XAGE3: variants seen among roughly 807,000 people sequenced by gnomAD.
XAGE3 encodes X antigen family member 3.
A neutral mutation model predicts 9.2 loss-of-function variants in XAGE3; 6 were observed. The ratio of observed to expected loss-of-function variants is 0.65; its 90% CI spans 0.36 to 1.29. XAGE3 has a LOEUF of 1.29. XAGE3 is among the 50% of genes most tolerant of loss of function. The pLI, the probability that XAGE3 is intolerant of heterozygous loss-of-function variation, is 0.03. For missense variants in XAGE3, 70 were observed against 82.8 expected (o/e 0.85, Z 0.60); for synonymous variants, 26 against 28.2 (o/e 0.92, Z 0.25).
chrX:52,866,548 G>C lies in XAGE3; in HGVS notation c.82-10C>G. The C allele has an allele frequency of 1.7e-6, 2 of 1,200,669 alleles. No individual in the cohort carries two copies. The highest frequency in any genetic ancestry group is 2.3e-6 in the Non-Finnish European group (2 of 888,296). On this transcript the variant is annotated splice_polypyrimidine_tract_variant and intron_variant, in intron 2 of 4. Coordinates refer to ENST00000346279, the MANE Select transcript of XAGE3 (RefSeq NM_133179.3). ...CCTCATCACCGGGCTCCTGGAACCA[G>C]GGGTGTGTGTGTGTGTGTGTGTGTG...
At chrX:52,863,482 T>G (rs1556784036) in intron 4 of XAGE3, among the ~76,000 whole-genome samples, 1 of 111,753 alleles carries the variant, frequency 8.9e-6, no homozygotes, top group Non-Finnish European at 1.9e-5. Context: ...TTTCTAAAAG[T>G]TAAGTGTTTT....
chrX:52,862,582 T>A lies in XAGE3; in HGVS notation c.*36A>T, dbSNP rs1927763454. On this transcript the variant is annotated 3_prime_UTR_variant, in exon 5 of 5. Coordinates refer to ENST00000346279, the MANE Select transcript of XAGE3 (RefSeq NM_133179.3). ...ATATTTTTAAGTCAAATATCTTAGATAAAAACAGTTTTGTGTTGTTTCAGC... is the reference window on the plus strand; with the variant it reads ...ATATTTTTAAGTCAAATATCTTAGAAAAAAACAGTTTTGTGTTGTTTCAGC... The A allele has an allele frequency of 8.3e-7, 1 of 1,205,202 alleles. No individual in the cohort carries two copies. Among genetic ancestry groups the A allele is most frequent in the Admixed American group, 2.2e-5 (1 of 44,715 alleles).
In XAGE3 at chrX:52,862,579, A is replaced by G; in HGVS notation, c.*39T>C. ...TCGATATTTTTAAGTCAAATATCTT[A>G]GATAAAAACAGTTTTGTGTTGTTTC... On this transcript the variant is annotated 3_prime_UTR_variant, in exon 5 of 5. Transcript: ENST00000346279. The G allele has an allele frequency of 8.3e-7, 1 of 1,203,349 alleles. No individual in the cohort carries two copies. Among genetic ancestry groups the G allele is most frequent in the Non-Finnish European group, 1.1e-6 (1 of 891,111 alleles).
chrX:52,867,613 T>C (rs1927925550), intron 1 of XAGE3, among the ~76,000 whole-genome samples: 1 of 110,237 alleles, frequency 9.1e-6, no homozygotes, highest in African/African-American at 3.3e-5. Context: ...GCCAGGCGCT[T>C]TACAGACCTC....
At chrX:52,867,717 G>A (rs1446636826) in intron 1 of XAGE3, among the ~76,000 whole-genome samples, 5 of 110,662 alleles carry the variant, frequency 4.5e-5, no homozygotes, top group African/African-American at 1.3e-4. Flanking sequence ...TCTGGAATCC[G>A]TCCTCGGTCG....
rs1321089492 is a variant in XAGE3, at chrX:52,867,086, ACT to A, written c.46_47del (p.Ser16CysfsTer5). Reference protein sequence around the residue: ...RSTYRPRPRRSVPPPELIGPM... With the variant: ...RSTYRPRPRRXVPPPELIGPM... ...GCCCAATCAGCTCAGGAGGTGGTACACTTCTCCTCGGCCTAGGCCTATATGTT... is the reference window on the plus strand; with the variant it reads ...GCCCAATCAGCTCAGGAGGTGGTACATCTCCTCGGCCTAGGCCTATATGTT... On this transcript the variant is annotated frameshift_variant, in exon 2 of 5. Transcript: ENST00000346279. LOFTEE classifies it high-confidence loss of function. The A allele has an allele frequency of 8.3e-7, 1 of 1,211,105 alleles. No individual in the cohort carries two copies. The highest frequency in any genetic ancestry group is 1.7e-5 in the African/African-American group (1 of 57,681).
chrX:52,863,061 G>A (rs1556783991), intron 4 of XAGE3, among the ~76,000 whole-genome samples: 7 of 112,331 alleles, frequency 6.2e-5, no homozygotes, highest in Non-Finnish European at 1.3e-4. Context: ...TGAAATAATA[G>A]TCTGGATGTT....
chrX:52,865,326 T>A (rs1192071953), intron 3 of XAGE3, among the ~76,000 whole-genome samples: 1 of 111,862 alleles, frequency 8.9e-6, no homozygotes, highest in Non-Finnish European at 1.9e-5. Flanking sequence ...TTAAACAAAC[T>A]TAGGTCCAAA....
rs782401025 is a variant in XAGE3, at chrX:52,864,755, C to T, written c.313+20G>A. 21 of 1,206,615 alleles carry T rather than the reference C, an allele frequency of 1.7e-5. 1 individual carries two copies. Among genetic ancestry groups the T allele is most frequent in the Non-Finnish European group, 1.5e-5 (13 of 892,604 alleles). On this transcript the variant is annotated intron_variant, in intron 4 of 4. Coordinates refer to ENST00000346279, the MANE Select transcript of XAGE3 (RefSeq NM_133179.3). ...ATAATATTGTGGAAAACAGAAAGCA[C>T]ATAATAATGGATAGCATACCTCCTT...
chrX:52,864,841 C>T lies in XAGE3; in HGVS notation c.247G>A (p.Gly83Arg). The change falls in exon 4 of 5, where the codon GGA (glycine) becomes AGA (arginine). Residue 83 changes from glycine (G) to arginine (R), a missense_variant. Gly to Arg is a moderately radical substitution (Grantham distance 125, BLOSUM62 -2). Transcript: ENST00000346279. ...TTCCCCTGGTCATCAGGACCATTTC[C>T]ACATTCACCCCCAGTCTTTGACTGA... ...LSQSKTGGEC[G>R]NGPDDQGKIL... 1 of 1,211,354 alleles carries T rather than the reference C, an allele frequency of 8.3e-7. No homozygotes were observed. Among genetic ancestry groups the T allele is most frequent in the Non-Finnish European group, 1.1e-6 (1 of 895,134 alleles).
At chrX:52,867,800 C>A in intron 1 of XAGE3, among the ~76,000 whole-genome samples, 1 of 111,218 alleles carries the variant, frequency 9.0e-6, no homozygotes, top group Non-Finnish European at 1.9e-5. Flanking sequence ...CCCCTCTCAA[C>A]TACGCGGCCC....
intron 1 of XAGE3, 58 bp from the exon 2 acceptor site, chrX:52,867,199 C>G (rs1303689081): frequency 4.1e-6 from 4 of 981,272 alleles, no homozygotes; most frequent in Non-Finnish European, 5.6e-6. Context: ...TATATTTGAC[C>G]ACTTCCATGA....
chrX:52,865,003 G>A, intron 3 of XAGE3, 103 bp from the exon 4 acceptor site: 1 of 1,005,004 alleles, frequency 1.0e-6, no homozygotes, highest in Non-Finnish European at 1.4e-6. Context: ...AAGGCTGCAG[G>A]CGACTGTGGT....
chrX:52,867,457 C>T (rs1437062887), intron 1 of XAGE3, among the ~76,000 whole-genome samples: 1 of 111,748 alleles, frequency 8.9e-6, no homozygotes, highest in African/African-American at 3.3e-5. Flanking sequence ...GCAGTGACCA[C>T]GGCTTTTGTC....
chrX:52,862,641 C>T lies in XAGE3; in HGVS notation c.314-1G>A. ...ATTTAAACCTGTGGTTGCCTGTCAC[C>T]TATAATAGAAATATAACAGGAGGGA... is the stretch of plus-strand genomic sequence containing the variant. On this transcript the variant is annotated splice_acceptor_variant, in intron 4 of 4. Transcript: ENST00000346279. LOFTEE classifies it high-confidence loss of function. 1 of 1,211,266 alleles carries T rather than the reference C, an allele frequency of 8.3e-7. No homozygotes were observed. Among genetic ancestry groups the T allele is most frequent in the Non-Finnish European group, 1.1e-6 (1 of 894,840 alleles).
intron 4 of XAGE3, among the ~76,000 whole-genome samples, 160 bp from the exon 5 acceptor site, chrX:52,862,800 A>G (rs1185612401): frequency 8.8e-6 from 1 of 113,618 alleles, no homozygotes; most frequent in Admixed American, 9.3e-5. Context: ...ACCTCTGTAG[A>G]GACTTTGAAG....
intron 4 of XAGE3, among the ~76,000 whole-genome samples, chrX:52,864,440 A>C (rs1927833422): frequency 8.9e-6 from 1 of 112,757 alleles, no homozygotes; most frequent in South Asian, 3.6e-4. Flanking sequence ...GAATCTGCTT[A>C]AGGTGCTCAG....
At chrX:52,864,734 TA>T (rs782076543) in intron 4 of XAGE3, 40 bp downstream of exon 4, 27 of 1,197,898 alleles carry the variant, frequency 2.3e-5, no homozygotes, top group Non-Finnish European at 2.8e-5. Context: ...AAAAGTATAA[TA>T]TTGTGGAAAA....
chrX:52,866,020 G>C (rs1927875280), intron 3 of XAGE3, among the ~76,000 whole-genome samples: 1 of 111,124 alleles, frequency 9.0e-6, no homozygotes, highest in Admixed American at 9.6e-5. Context: ...TATGCAAATG[G>C]GCTTTATTCA....
Sources: allele counts gnomAD v4.1 joint callset (sites outside exome capture counted in the v4.1 genomes callset), GRCh38; gene constraint gnomAD v4.1.1; transcripts MANE v1.5; gene names NCBI Gene and HGNC (gene_info 2026-07-23, HGNC 2026-07-21).